The following CUL7 variants were observed in gnomAD, a reference collection of about 807,000 sequenced individuals.
CUL7 encodes the protein cullin-7.
In CUL7, 96 loss-of-function variants were observed where a neutral mutation model predicts 177.7. That is an observed-to-expected ratio of 0.54 (90% confidence interval 0.46 to 0.64). The LOEUF (loss-of-function observed/expected upper bound fraction) is 0.64. CUL7 is among the 30% of genes least tolerant of loss of function. The pLI, the probability that CUL7 is intolerant of heterozygous loss-of-function variation, is 0.00. For synonymous variants in CUL7, 824 were observed against 890.2 expected (o/e 0.93, Z 1.32); for missense variants, 1,893 against 2,187.9 (o/e 0.87, Z 2.69).
Position 43,053,807 on chromosome 6 carries a change from G to A in CUL7, c.-194C>T, listed in dbSNP as rs1396485608. On this transcript the variant is annotated 5_prime_UTR_variant, in exon 1 of 26. Coordinates refer to ENST00000265348, the MANE Select transcript of CUL7 (RefSeq NM_014780.5). This position sits in a 1 kb window ranked among gnomAD's most constrained non-coding sequence, Gnocchi z 4.1. ...CGTGAGTCGGCAGCCACTGGGGCAG[G>A]GTGGGGCCCGGTCCCTGCCAGCGGC... 6.5e-7 allele frequency: 1 copy of A among 1,532,884 alleles called. No individual in the cohort carries two copies. The highest frequency in any genetic ancestry group is 8.7e-7 in the Non-Finnish European group (1 of 1,146,238). The allele number at this position is 1,532,884 out of a possible 1,614,324, so 95.0% of individuals were successfully genotyped here.
At chr6:43,047,984 T>C in intron 9 of CUL7, 164 bp downstream of exon 9, 2 of 612,752 alleles carry the variant, frequency 3.3e-6, no homozygotes, top group Non-Finnish European at 2.9e-6. Flanking sequence ...CATGTGAATG[T>C]ATTACCTATT....
In CUL7 at chr6:43,043,236, A is replaced by C; in HGVS notation, c.3356-56T>G. 6.9e-7 allele frequency: 1 copy of C among 1,455,752 alleles called. No individual in the cohort carries two copies. Among genetic ancestry groups the C allele is most frequent in the Non-Finnish European group, 9.6e-7 (1 of 1,043,120 alleles). 90.2% of individuals were successfully genotyped at this position (1,455,752 alleles called of 1,614,324 possible). A position where few individuals can be genotyped will look rare whatever the true frequency, so the allele number is the denominator to read the frequency against. ...GGAGGGTGCAGCCCCTCCACTCCCA[A>C]GTCCCCATCCAAGGGGGTTCCCTGA... On this transcript the variant is annotated intron_variant, in intron 17 of 25. Transcript: ENST00000265348. This position sits in a 1 kb window ranked among gnomAD's most constrained non-coding sequence, Gnocchi z 4.2.
rs971828848 is a variant in CUL7 at position 43,050,870 on chromosome 6, C to T, written c.1233+98G>A. On this transcript the variant is annotated intron_variant, in intron 4 of 25. Transcript: ENST00000265348. This position sits in a 1 kb window ranked among gnomAD's most constrained non-coding sequence, Gnocchi z 4.1. The stretch of plus-strand genomic sequence containing the variant: ...ATTCCAATCTTACCTAAAGCTTTCT[C>T]TTTGGGTGGCCTGCTGGAGCCCCCC... 1 of 1,459,374 alleles carries T rather than the reference C, an allele frequency of 6.9e-7. No homozygotes were observed. Among genetic ancestry groups the T allele is most frequent in the Non-Finnish European group, 9.5e-7 (1 of 1,055,846 alleles). 90.4% of individuals were successfully genotyped at this position (1,459,374 alleles called of 1,614,324 possible). A position where few individuals can be genotyped will look rare whatever the true frequency, so the allele number is the denominator to read the frequency against.
intron 19 of CUL7, 173 bp from the exon 20 acceptor site, chr6:43,041,248 T>C (rs1022155506): frequency 5.6e-5 from 36 of 645,536 alleles, no homozygotes; most frequent in Non-Finnish European, 8.9e-5. Flanking sequence ...ATTAGCAATA[T>C]TAACAATTAT....
Position 43,045,793 on chromosome 6 carries a change from G to T in CUL7, c.2767-111C>A. ...CTTCCCCAGCCCTGGGATGTGTAGG[G>T]TCCTGACAAAGCTGTCCTCATGCCA... On this transcript the variant is annotated intron_variant, in intron 13 of 25. Transcript: ENST00000265348. This position sits in a 1 kb window ranked among gnomAD's most constrained non-coding sequence, Gnocchi z 4.8. 1 of 1,316,780 alleles carries T rather than the reference G, an allele frequency of 7.6e-7. No individual in the cohort carries two copies. The highest frequency in any genetic ancestry group is 1.1e-6 in the Non-Finnish European group (1 of 923,822). 81.6% of individuals were successfully genotyped at this position (1,316,780 alleles called of 1,614,324 possible).
chr6:43,051,397 G>C lies in CUL7; in HGVS notation c.804C>G (p.Asn268Lys), dbSNP rs752009036. The C allele has an allele frequency of 5.6e-6, 9 of 1,614,000 alleles. No individual in the cohort carries two copies. The highest frequency in any genetic ancestry group is 7.6e-6 in the Non-Finnish European group (9 of 1,180,028). Residue 268 changes from asparagine to lysine, a missense_variant, in exon 4 of 26, where the codon AAC becomes AAG. Coordinates refer to ENST00000265348, the MANE Select transcript of CUL7 (RefSeq NM_014780.5). This position sits in a 1 kb window ranked among gnomAD's most constrained non-coding sequence, Gnocchi z 5.0. ...GGGCTCCTGGCTCCGCAGCACTGTC[G>C]TTCAGCTGATCCAGGAGCGAGGTGA... ...LHVTSLLDQL[N>K]DSAAEPGAQN...
At position 43,045,557 on chromosome 6, in the gene CUL7, C is replaced by T; in HGVS notation, c.2862+30G>A. 6.2e-7 allele frequency: 1 copy of T among 1,613,708 alleles called. No homozygotes were observed. The highest frequency in any genetic ancestry group is 8.5e-7 in the Non-Finnish European group (1 of 1,179,726). On this transcript the variant is annotated intron_variant, in intron 14 of 25. Transcript: ENST00000265348. This position sits in a 1 kb window ranked among gnomAD's most constrained non-coding sequence, Gnocchi z 4.8. ...TTTATGGGGCTCAGAGCCCCCTACC[C>T]AGGGCCACACCCCACATCCCTGGCC...
At position 43,040,114 on chromosome 6, in the gene CUL7, C is replaced by T. The variant is rs748715311; in HGVS notation, c.4294+42G>A. The T allele has an allele frequency of 1.1e-5, 18 of 1,613,106 alleles. No homozygotes were observed. The East Asian group carries it at 4.0e-4, about 36-fold the overall frequency. On this transcript the variant is annotated intron_variant, in intron 22 of 25. Transcript: ENST00000265348. The surrounding 1 kb of genome is among the most constrained non-coding windows in gnomAD (Gnocchi z 4.2). ...AACCCCAGGTCCTTTCCTAGCAGCC[C>T]ACCCTCTCCCCAGTCCCCAGTCCCT...
At position 43,045,345 on chromosome 6, in the gene CUL7, A is replaced by G; in HGVS notation, c.2920T>C (p.Trp974Arg). The change falls in exon 15 of 26, where the codon TGG becomes CGG. Residue 974 changes from tryptophan to arginine, a missense_variant. Trp to Arg is a moderately radical substitution (Grantham distance 101). Around this residue, in one of 5 missense-constraint regions of CUL7, gnomAD observed 973 missense variants for 1,140.9 expected, o/e 0.85. Coordinates refer to ENST00000265348, the MANE Select transcript of CUL7 (RefSeq NM_014780.5). This position sits in a 1 kb window ranked among gnomAD's most constrained non-coding sequence, Gnocchi z 4.8. ...CAGAGCTGCTCCCGGAACACTGGCC[A>G]GAACGTGGGCTTGGGGCCTAGGATC... The part of the protein sequence containing the change: ...LEILGPKPTF[W>R]PVFREQLCRH... 6.2e-7 allele frequency: 1 copy of G among 1,614,252 alleles called. No homozygotes were observed. Among genetic ancestry groups the G allele is most frequent in the Non-Finnish European group, 8.5e-7 (1 of 1,180,030 alleles).
Position 43,038,005 on chromosome 6 carries a change from C to T in CUL7, c.4780G>A (p.Glu1594Lys). The change falls in exon 26 of 26, where the codon GAG (glutamate) becomes AAG (lysine). Residue 1594 changes from glutamate (E) to lysine (K), a missense_variant. Glu to Lys is a moderately conservative substitution (Grantham distance 56, BLOSUM62 1). This residue lies in a region of CUL7 where 248 missense variants were observed against 262.5 expected (regional missense o/e 0.94). Coordinates refer to ENST00000265348, the MANE Select transcript of CUL7 (RefSeq NM_014780.5). ...HIDQLVCLVL[E>K]AWQKGPCPPR... ...GGACACGGGCCCTTCTGCCAAGCCT[C>T]CAGCACCTGGTGTGGGGGAGGAAGG... The T allele has an allele frequency of 6.3e-7, 1 of 1,592,170 alleles. No homozygotes were observed. The highest frequency in any genetic ancestry group is 8.6e-7 in the Non-Finnish European group (1 of 1,168,178).
At position 43,045,418 on chromosome 6, in the gene CUL7, G is replaced by A. The variant is rs995148014; in HGVS notation, c.2863-16C>T. The A allele has an allele frequency of 6.2e-7, 1 of 1,614,014 alleles. No individual in the cohort carries two copies. The highest frequency in any genetic ancestry group is 1.3e-5 in the African/African-American group (1 of 74,894). ...CAATGCCACCCTGAAACACACACAG[G>A]ACTATCTTCACTCGCTCCACACCTT... On this transcript the variant is annotated splice_polypyrimidine_tract_variant and intron_variant, in intron 14 of 25. Coordinates refer to ENST00000265348, the MANE Select transcript of CUL7 (RefSeq NM_014780.5). This position sits in a 1 kb window ranked among gnomAD's most constrained non-coding sequence, Gnocchi z 4.8.
At position 43,045,353 on chromosome 6, in the gene CUL7, G is replaced by A. The variant is rs762629116; in HGVS notation, c.2912C>T (p.Pro971Leu). The A allele has an allele frequency of 4.0e-5, 64 of 1,614,086 alleles. 1 individual carries two copies. The highest frequency in any genetic ancestry group is 1.9e-4 in the South Asian group (17 of 91,094). The change falls in exon 15 of 26, where the codon CCC (proline) becomes CTC (leucine). Residue 971 changes from proline (P) to leucine (L), a missense_variant. Pro to Leu is a moderately conservative substitution (Grantham distance 98). Coordinates refer to ENST00000265348, the MANE Select transcript of CUL7 (RefSeq NM_014780.5). The surrounding 1 kb of genome is among the most constrained non-coding windows in gnomAD (Gnocchi z 4.8). Reference sequence around the variant, plus strand: ...CTCCCGGAACACTGGCCAGAACGTGGGCTTGGGGCCTAGGATCTCTAACCC... The same window carrying A: ...CTCCCGGAACACTGGCCAGAACGTGAGCTTGGGGCCTAGGATCTCTAACCC... ...IRGLEILGPK[P>L]TFWPVFREQL... is the part of the protein sequence containing the mutation.
At chr6:43,038,132 C>G (rs1017625866) in intron 25 of CUL7, 121 bp from the exon 26 acceptor site, 1 of 1,480,326 alleles carries the variant, frequency 6.8e-7, no homozygotes, top group African/African-American at 1.4e-5. Flanking sequence ...AGGTACATCC[C>G]GACCTCACTC....
In CUL7 at chr6:43,046,726, GC is replaced by G. The variant is rs766380199; in HGVS notation, c.2398-126del. On this transcript the variant is annotated intron_variant, in intron 10 of 25. Coordinates refer to ENST00000265348, the MANE Select transcript of CUL7 (RefSeq NM_014780.5). ...TTCCTCTACAGCACCAGCAGAGCAGGCCCAGATGGGGCAGAGGGGAAGGGGA... is the reference window on the plus strand; with the variant it reads ...TTCCTCTACAGCACCAGCAGAGCAGGCCAGATGGGGCAGAGGGGAAGGGGA... 5 of 1,441,924 alleles carry G rather than the reference GC, an allele frequency of 3.5e-6. No homozygotes were observed. In the South Asian group the frequency reaches 5.9e-5, roughly 17 times the overall value. The allele number at this position is 1,441,924 out of a possible 1,614,324, so 89.3% of individuals were successfully genotyped here.
Position 43,050,820 on chromosome 6 carries a change from C to G in CUL7, c.1233+148G>C. The G allele has an allele frequency of 9.5e-7, 1 of 1,047,160 alleles. No individual in the cohort carries two copies. The highest frequency in any genetic ancestry group is 1.4e-6 in the Non-Finnish European group (1 of 717,778). The allele number at this position is 1,047,160 out of a possible 1,614,324, so 64.9% of individuals were successfully genotyped here. A position where few individuals can be genotyped will look rare whatever the true frequency, so the allele number is the denominator to read the frequency against. ...TTTCCCAGCTCTCAGAATGGCCCCC[C>G]TCTCAACTACTGACTCTTTTCACCA... On this transcript the variant is annotated intron_variant, in intron 4 of 25. Coordinates refer to ENST00000265348, the MANE Select transcript of CUL7 (RefSeq NM_014780.5). This position sits in a 1 kb window ranked among gnomAD's most constrained non-coding sequence, Gnocchi z 4.1.
chr6:43,045,013 G>A lies in CUL7; in HGVS notation c.3039-128C>T. Reference sequence around the variant, plus strand: ...GAAGGCCCCCTGGTACTTCAGAACTGCTCTGTGCTAACTGGTATATCCCAT... The same window carrying A: ...GAAGGCCCCCTGGTACTTCAGAACTACTCTGTGCTAACTGGTATATCCCAT... On this transcript the variant is annotated intron_variant, in intron 15 of 25. Transcript: ENST00000265348. The surrounding 1 kb of genome is among the most constrained non-coding windows in gnomAD (Gnocchi z 4.8). The A allele has an allele frequency of 7.0e-7, 1 of 1,427,416 alleles. No individual in the cohort carries two copies. The highest frequency in any genetic ancestry group is 9.6e-7 in the Non-Finnish European group (1 of 1,042,974). 88.4% of individuals were successfully genotyped at this position (1,427,416 alleles called of 1,614,324 possible).
rs1053239808 is a variant in CUL7 at position 43,048,318 on chromosome 6, C to G, written c.2063+14G>C. 1 of 1,599,062 alleles carries G rather than the reference C, an allele frequency of 6.3e-7. No homozygotes were observed. The highest frequency in any genetic ancestry group is 8.6e-7 in the Non-Finnish European group (1 of 1,166,298). On this transcript the variant is annotated intron_variant, in intron 8 of 25. Coordinates refer to ENST00000265348, the MANE Select transcript of CUL7 (RefSeq NM_014780.5). ...CTTTGCCCTCAGAGATCCCACCTGT[C>G]ACCATGCTCTCACCTCAGCACAGTC...
rs755291715 is a variant in CUL7, at chr6:43,045,311, G to C, written c.2954C>G (p.Thr985Arg). The change falls in exon 15 of 26, where the codon ACA becomes AGA. Residue 985 changes from threonine to arginine, a missense_variant. By Grantham distance (71) the Thr-to-Arg change is moderately conservative. This residue lies in a region of CUL7 where 973 missense variants were observed against 1,140.9 expected (regional missense o/e 0.85). Coordinates refer to ENST00000265348, the MANE Select transcript of CUL7 (RefSeq NM_014780.5). This position sits in a 1 kb window ranked among gnomAD's most constrained non-coding sequence, Gnocchi z 4.8. ...PVFREQLCRH[T>R]RLFYMVRAQA... The stretch of plus-strand genomic sequence containing the variant: ...TGCCCGAACCATGTAGAAGAGGCGT[G>C]TGTGACGACAGAGCTGCTCCCGGAA... 1.2e-6 allele frequency: 2 copies of C among 1,614,104 alleles called. No individual in the cohort carries two copies. The highest frequency in any genetic ancestry group is 1.3e-5 in the African/African-American group (1 of 74,932).
chr6:43,041,701 GGGGAAGGGAAGGGAAA>G (rs984082658), intron 19 of CUL7, among the ~76,000 whole-genome samples: 6 of 147,928 alleles, frequency 4.1e-5, no homozygotes, highest in South Asian at 2.1e-4. Context: ...GGGAAGGGAA[GGGGAAGGGAAGGGAAA>G]GGGAAGGGAA....
Sources: gnomAD v4.1 joint callset for allele counts (sites outside exome capture counted in the v4.1 genomes callset) on GRCh38, gnomAD v4.1.1 for gene constraint, gnomAD v4.1.1 regional missense constraint, Gnocchi (gnomAD v3.1) non-coding constraint, MANE v1.5 for transcripts, NCBI Gene and HGNC (gene_info 2026-07-23, HGNC 2026-07-21) for gene names.